Variants in POTEJ observed in about 807,000 individuals in gnomAD.
POTEJ encodes the protein POTE ankyrin domain family, member J.
In POTEJ, 11 loss-of-function variants were observed where a neutral mutation model predicts 69.0. The observed-to-expected ratio is 0.16, with a 90% CI of 0.10 to 0.26. POTEJ has a LOEUF of 0.26. Among genes scored for constraint, POTEJ ranks in the 10% least tolerant of loss-of-function variants. The pLI is 1.00. For synonymous variants in POTEJ, 117 were observed against 381.1 expected (o/e 0.31, Z 8.07); for missense variants, 327 against 1,045.5 (o/e 0.31, Z 9.48).
At chr2:130,642,213 T>TA (rs1382520399) in intron 10 of POTEJ, among the ~76,000 whole-genome samples, 2 of 137,694 alleles carry the variant, frequency 1.5e-5, no homozygotes, top group Admixed American at 7.6e-5. Context: ...TGTTTTTTTG[T>TA]ATGGGATAGT....
At chr2:130,632,175 C>T (rs1290380610) in intron 8 of POTEJ, among the ~76,000 whole-genome samples, 1 of 151,006 alleles carries the variant, frequency 6.6e-6, no homozygotes, top group Non-Finnish European at 1.5e-5. Flanking sequence ...GGGGTAAATA[C>T]ATACATAAGA....
chr2:130,613,152 A>G (rs1436040126), intron 1 of POTEJ, among the ~76,000 whole-genome samples: 2 of 145,924 alleles, frequency 1.4e-5, no homozygotes, highest in Non-Finnish European at 3.0e-5. Context: ...AAATAAGAGT[A>G]TAGATTAAAA....
intron 1 of POTEJ, among the ~76,000 whole-genome samples, chr2:130,612,441 T>C (rs1394475331): frequency 1.3e-5 from 2 of 151,740 alleles, no homozygotes; most frequent in African/African-American, 4.8e-5. Context: ...ATGGTTCCTG[T>C]GCTTGAATAG....
Position 130,656,523 on chromosome 2 carries a change from A to G in POTEJ, c.1789-26A>G. 3.7e-6 allele frequency: 6 copies of G among 1,604,846 alleles called. No homozygotes were observed. In the East Asian group the frequency reaches 6.7e-5, roughly 18 times the overall value. On this transcript the variant is annotated intron_variant, in intron 14 of 14. Coordinates refer to ENST00000409602, the MANE Select transcript of POTEJ (RefSeq NM_001277083.2). ...TGTTATGTCAATCTATTGAGTGCTA[A>G]CTAAAAGTTCTCTTTGTTTACTTAG...
chr2:130,613,663 A>G (rs1169782712), intron 1 of POTEJ, among the ~76,000 whole-genome samples: 1 of 138,296 alleles, frequency 7.2e-6, no homozygotes. Context: ...GGCCTCCCCA[A>G]GTGCTGGGGT....
In POTEJ at chr2:130,615,580, A is replaced by G. The variant is rs1425042903; in HGVS notation, c.411-1210A>G. On this transcript the variant is annotated intron_variant, in intron 1 of 14. Transcript: ENST00000409602. ...GAGAACACACAGATACCTAGAGGGA[A>G]GGAACACACACTGGGGCCTATCAGA... Among the ~76,000 whole-genome samples, 6 of 140,944 alleles carry G rather than the reference A, an allele frequency of 4.3e-5. No individual in the cohort carries two copies. The East Asian group carries it at 1.2e-3, about 27-fold the overall frequency. 92.5% of individuals were successfully genotyped at this position (140,944 alleles called of 152,430 possible).
chr2:130,641,133 C>G (rs1686354114), intron 10 of POTEJ, among the ~76,000 whole-genome samples: 1 of 152,064 alleles, frequency 6.6e-6, no homozygotes, highest in African/African-American at 2.4e-5. Flanking sequence ...GACTGAGCTC[C>G]TATAAAACTT....
intron 9 of POTEJ, among the ~76,000 whole-genome samples, chr2:130,636,826 C>T (rs536552496): frequency 6.8e-6 from 1 of 147,974 alleles, no homozygotes; most frequent in Non-Finnish European, 1.5e-5. Context: ...GGCATGGTGG[C>T]TCACACCTGT....
chr2:130,651,611 G>C (rs1686807330), intron 13 of POTEJ, among the ~76,000 whole-genome samples: 1 of 125,756 alleles, frequency 8.0e-6, no homozygotes, highest in East Asian at 2.1e-4. Flanking sequence ...TAATTGTTTT[G>C]TTTTTGTTTT....
chr2:130,650,443 A>G (rs1346620847), intron 13 of POTEJ, among the ~76,000 whole-genome samples: 1 of 152,092 alleles, frequency 6.6e-6, no homozygotes, highest in Non-Finnish European at 1.5e-5. Flanking sequence ...TTTATTGTTC[A>G]TTACCATATC....
At chr2:130,627,612 A>T (rs1372378891) in intron 6 of POTEJ, among the ~76,000 whole-genome samples, 627 of 123,894 alleles carry the variant, frequency 5.1e-3, no homozygotes, top group African/African-American at 0.022. Context: ...GCAGCCTGCA[A>T]CCAAACAGAA....
intron 11 of POTEJ, among the ~76,000 whole-genome samples, chr2:130,644,421 C>T (rs1190504546): frequency 1.3e-5 from 2 of 151,870 alleles, no homozygotes; most frequent in Non-Finnish European, 2.9e-5. Context: ...AGTGAGCCGA[C>T]ATCCACCACT....
chr2:130,632,827 A>G lies in POTEJ; in HGVS notation c.1298+171A>G, dbSNP rs150691196. On this transcript the variant is annotated intron_variant, in intron 9 of 14. Transcript: ENST00000409602. Reference sequence around the variant, plus strand: ...ACAATGAGTTACCATTTTTCCAGTCATTAATTTATTTGAAAAATAACCAGT... The same window carrying G: ...ACAATGAGTTACCATTTTTCCAGTCGTTAATTTATTTGAAAAATAACCAGT... Among the ~76,000 whole-genome samples the G allele has an allele frequency of 2.1e-3, 303 of 144,146 alleles. 1 individual carries two copies. The East Asian group carries it at 0.054, about 26-fold the overall frequency. The allele number at this position is 144,146 out of a possible 152,430, so 94.6% of individuals were successfully genotyped here.
At chr2:130,615,878 A>G (rs1367500970) in intron 1 of POTEJ, among the ~76,000 whole-genome samples, 1 of 139,816 alleles carries the variant, frequency 7.2e-6, no homozygotes, top group African/African-American at 3.0e-5. Flanking sequence ...CATACATTGT[A>G]TAAATCTAAG....
At chr2:130,647,151 A>C (rs1342399352) in intron 13 of POTEJ, among the ~76,000 whole-genome samples, 7 of 150,828 alleles carry the variant, frequency 4.6e-5, no homozygotes, top group African/African-American at 1.7e-4. Flanking sequence ...TAAAAAAATG[A>C]GGTTAGATGT....
At chr2:130,628,495 G>T (rs1296737523) in intron 6 of POTEJ, among the ~76,000 whole-genome samples, 1 of 97,042 alleles carries the variant, frequency 1.0e-5, no homozygotes, top group Non-Finnish European at 2.0e-5. Context: ...TATTTAGCAG[G>T]ACTCAATAAG....
At chr2:130,625,295 T>G (rs1347374282) in intron 6 of POTEJ, among the ~76,000 whole-genome samples, 1 of 152,074 alleles carries the variant, frequency 6.6e-6, no homozygotes, top group Non-Finnish European at 1.5e-5. Context: ...CCACTTAACA[T>G]ATAACTATCA....
At chr2:130,655,804 G>T in intron 14 of POTEJ, among the ~76,000 whole-genome samples, 1 of 107,056 alleles carries the variant, frequency 9.3e-6, no homozygotes, top group Non-Finnish European at 1.9e-5. Flanking sequence ...GTGATTTTGT[G>T]GAGGATCACT....
chr2:130,612,576 C>T (rs1226053560), intron 1 of POTEJ, among the ~76,000 whole-genome samples: 18 of 152,342 alleles, frequency 1.2e-4, no homozygotes, highest in Admixed American at 4.6e-4. Context: ...CTGGCTAACA[C>T]GGTGAAACCC....
Sources: gnomAD v4.1 joint callset for allele counts (sites outside exome capture counted in the v4.1 genomes callset) on GRCh38, gnomAD v4.1.1 for gene constraint, MANE v1.5 for transcripts, NCBI Gene and HGNC (gene_info 2026-07-23, HGNC 2026-07-21) for gene names.